Variants in TRAF7 observed in about 807,000 individuals in gnomAD.
The protein encoded by TRAF7 is TNF receptor associated factor 7.
In TRAF7, 45 loss-of-function variants were observed where a neutral mutation model predicts 89.3. The ratio of observed to expected loss-of-function variants is 0.50; its 90% CI spans 0.40 to 0.65. The LOEUF (loss-of-function observed/expected upper bound fraction) is 0.65, where lower values mean the gene tolerates loss of function less well. TRAF7 is among the 30% of genes least tolerant of loss of function. The probability of loss-of-function intolerance (pLI) is 0.00; values close to 1 mark genes in which losing one functional copy is unlikely to be tolerated. For synonymous variants in TRAF7, 406 were observed against 369.2 expected (o/e 1.10, Z -1.14); for missense variants, 677 against 918.1 (o/e 0.74, Z 3.39).
rs765302738 is a variant in TRAF7, at chr16:2,159,299, G to A, written c.-39+3441G>A. 3.3e-5 allele frequency among the ~76,000 whole-genome samples: 5 copies of A among 152,082 alleles called. No individual in the cohort carries two copies. The highest frequency in any genetic ancestry group is 4.8e-5 in the African/African-American group (2 of 41,414). ...GGGGCAGGGACAGGCAAGGGGGTTC[G>A]CCGTGCTAGGAGGGAAGCGGGGCCA... On this transcript the variant is annotated intron_variant, in intron 1 of 20. Coordinates refer to ENST00000326181, the MANE Select transcript of TRAF7 (RefSeq NM_032271.3). The surrounding 1 kb of genome is among the most constrained non-coding windows in gnomAD (Gnocchi z 6.5).
chr16:2,176,215 A>C, intron 19 of TRAF7, 35 bp downstream of exon 19: 1 of 1,601,356 alleles, frequency 6.2e-7, no homozygotes, highest in South Asian at 1.1e-5. Context: ...GGAGGCTCAG[A>C]GGGCTGGCAG....
At position 2,164,147 on chromosome 16, in the gene TRAF7, T is replaced by G. The variant is rs1432432256; in HGVS notation, c.81+146T>G. 2.5e-4 allele frequency: 142 copies of G among 557,844 alleles called. 1 individual carries two copies. In the African/African-American group the frequency reaches 2.7e-3, roughly 11 times the overall value. The allele number at this position is 557,844 out of a possible 1,614,324, so 34.6% of individuals were successfully genotyped here. A position where few individuals can be genotyped will look rare whatever the true frequency, so the allele number is the denominator to read the frequency against. On this transcript the variant is annotated intron_variant, in intron 2 of 20. Transcript: ENST00000326181. Reference sequence around the variant, plus strand: ...TCGGTGGGGGGGGGTGTGGTGTGTGTGTGTGTGTGTGTGCGCGCGCGCGCG... The same window carrying G: ...TCGGTGGGGGGGGGTGTGGTGTGTGGGTGTGTGTGTGTGCGCGCGCGCGCG...
chr16:2,173,042 G>A lies in TRAF7; in HGVS notation c.795-140G>A, dbSNP rs2093120094. ...CTGGGGGTAGCTGGATGGGGAGGAG[G>A]GGCAGGACGGCAGGTGTGGGTGGGG... On this transcript the variant is annotated intron_variant, in intron 9 of 20. Coordinates refer to ENST00000326181, the MANE Select transcript of TRAF7 (RefSeq NM_032271.3). The A allele has an allele frequency of 4.2e-6, 3 of 714,198 alleles. No individual in the cohort carries two copies. The African/African-American group carries it at 5.2e-5, about 12-fold the overall frequency. The allele number at this position is 714,198 out of a possible 1,614,324, so 44.2% of individuals were successfully genotyped here.
rs1242672502 is a variant in TRAF7 at position 2,172,384 on chromosome 16, C to T, written c.659+10C>T. 1 of 1,611,420 alleles carries T rather than the reference C, an allele frequency of 6.2e-7. No homozygotes were observed. The highest frequency in any genetic ancestry group is 8.5e-7 in the Non-Finnish European group (1 of 1,179,312). ...AGCTCAGCGCCCGGAAGTAAGTGCC[C>T]CTCCCTGGGCACCTCTGCCTCCCTG... is the stretch of plus-strand genomic sequence containing the variant. On this transcript the variant is annotated intron_variant, in intron 8 of 20. Coordinates refer to ENST00000326181, the MANE Select transcript of TRAF7 (RefSeq NM_032271.3).
rs1488005046 is a variant in TRAF7, at chr16:2,176,185, G to A, written c.1878+5G>A. 31 of 1,604,570 alleles carry A rather than the reference G, an allele frequency of 1.9e-5. No individual in the cohort carries two copies. The highest frequency in any genetic ancestry group is 5.0e-5 in the Admixed American group (3 of 59,882). On this transcript the variant is annotated splice_donor_5th_base_variant and intron_variant, in intron 19 of 20. Coordinates refer to ENST00000326181, the MANE Select transcript of TRAF7 (RefSeq NM_032271.3). The stretch of plus-strand genomic sequence containing the variant: ...TCCTACGACCGGTCCCTCAGGGTGC[G>A]TGCTGGCCCAGCGGTGGCAGGAGGC...
At chr16:2,164,177 C>CGCGCACGCGTGCGT (rs1251144938) in intron 2 of TRAF7, among the ~76,000 whole-genome samples, 176 bp downstream of exon 2, 1 of 117,724 alleles carries the variant, frequency 8.5e-6, no homozygotes, top group East Asian at 2.3e-4. Flanking sequence ...CGCGCGCGCG[C>CGCGCACGCGTGCGT]GCGCACGCGT....
In TRAF7 at chr16:2,172,492, G is replaced by A. The variant is rs760492852; in HGVS notation, c.687G>A (p.Arg229=). ...ACCACGAGGGCAGCTGTGACTACAG[G>A]CCTGTGCGGTGTCCCAACAACCCCA... is the stretch of plus-strand genomic sequence containing the variant. ...RKDHEGSCDY[R]PVRCPNNPSC... is the part of the protein sequence containing the mutation. The change falls in exon 9 of 21, where the codon AGG becomes AGA. Residue 229 remains arginine (R), a synonymous_variant. Coordinates refer to ENST00000326181, the MANE Select transcript of TRAF7 (RefSeq NM_032271.3). 4.7e-5 allele frequency: 75 copies of A among 1,608,312 alleles called. No homozygotes were observed. The highest frequency in any genetic ancestry group is 6.0e-5 in the Non-Finnish European group (71 of 1,178,438).
At position 2,171,580 on chromosome 16, in the gene TRAF7, C is replaced by T; in HGVS notation, c.450C>T (p.Phe150=). 6.2e-7 allele frequency: 1 copy of T among 1,613,360 alleles called. No individual in the cohort carries two copies. Among genetic ancestry groups the T allele is most frequent in the Non-Finnish European group, 8.5e-7 (1 of 1,179,922 alleles). The change falls in exon 7 of 21, where the codon TTC becomes TTT. Residue 150 remains phenylalanine, a synonymous_variant. Transcript: ENST00000326181. ...DPVITTCGHT[F]CRRCALKSEK... ...GCCCTTTGCCTCCACAGCACACGTT[C>T]TGTAGGAGATGCGCCTTGAAGTCAG...
At chr16:2,164,151 T>C (rs1444006105) in intron 2 of TRAF7, 150 bp downstream of exon 2, 18 of 559,444 alleles carry the variant, frequency 3.2e-5, no homozygotes, top group African/African-American at 9.1e-5. Flanking sequence ...TGTGTGTGTG[T>C]GTGTGTGTGC....
Position 2,162,435 on chromosome 16 carries a change from A to G in TRAF7, c.-38-1448A>G, listed in dbSNP as rs2093061745. 1.3e-5 allele frequency among the ~76,000 whole-genome samples: 2 copies of G among 152,050 alleles called. No homozygotes were observed. Among genetic ancestry groups the G allele is most frequent in the African/African-American group, 2.4e-5 (1 of 41,414 alleles). The stretch of plus-strand genomic sequence containing the variant: ...ATGCAGGGCGGGCATGGCCAAAGGG[A>G]CCCAGTCAGGAGGGACTGATGGAGG... On this transcript the variant is annotated intron_variant, in intron 1 of 20. Coordinates refer to ENST00000326181, the MANE Select transcript of TRAF7 (RefSeq NM_032271.3). This position sits in a 1 kb window ranked among gnomAD's most constrained non-coding sequence, Gnocchi z 5.0.
chr16:2,175,870 C>T lies in TRAF7; in HGVS notation c.1663C>T (p.Leu555=), dbSNP rs769152790. ...DIRTLDCIHV[L]QTSGGSVYSI... ...CCGAACCCTTGACTGCATCCACGTC[C>T]TGCAGACGTCTGGTGGCAGCGTCTA... Residue 555 remains leucine (L), a synonymous_variant, in exon 18 of 21, where the codon CTG becomes TTG. Transcript: ENST00000326181. 1.7e-5 allele frequency: 28 copies of T among 1,613,466 alleles called. No individual in the cohort carries two copies. The highest frequency in any genetic ancestry group is 2.2e-5 in the East Asian group (1 of 44,898).
In TRAF7 at chr16:2,162,577, G is replaced by T. The variant is rs912644479; in HGVS notation, c.-38-1306G>T. On this transcript the variant is annotated intron_variant, in intron 1 of 20. Coordinates refer to ENST00000326181, the MANE Select transcript of TRAF7 (RefSeq NM_032271.3). This position sits in a 1 kb window ranked among gnomAD's most constrained non-coding sequence, Gnocchi z 5.0. Reference sequence around the variant, plus strand: ...ACTGGGACTGTCCTGCTCCTCTCAGGCCCCTGGGGCCTTGGTTTGCAGCCC... The same window carrying T: ...ACTGGGACTGTCCTGCTCCTCTCAGTCCCCTGGGGCCTTGGTTTGCAGCCC... Among the ~76,000 whole-genome samples, 7 of 152,074 alleles carry T rather than the reference G, an allele frequency of 4.6e-5. No individual in the cohort carries two copies. The highest frequency in any genetic ancestry group is 1.7e-4 in the African/African-American group (7 of 41,442).
At chr16:2,166,055 G>A (rs1344559419) in intron 3 of TRAF7, 119 bp downstream of exon 3, 82 of 1,282,676 alleles carry the variant, frequency 6.4e-5, no homozygotes, top group African/African-American at 2.2e-4. Context: ...AGTGCTGGGC[G>A]CGGGCAGCCT....
In TRAF7 at chr16:2,163,841, G is replaced by A; in HGVS notation, c.-38-42G>A. 1 of 1,317,822 alleles carries A rather than the reference G, an allele frequency of 7.6e-7. No individual in the cohort carries two copies. The highest frequency in any genetic ancestry group is 1.1e-6 in the Non-Finnish European group (1 of 929,614). 81.6% of individuals were successfully genotyped at this position (1,317,822 alleles called of 1,614,324 possible). ...CAGCCCGTCTGACTCACAGGGGCCTGGGCTCCATCTCTCAAGCCCCTCATT... is the reference window on the plus strand; with the variant it reads ...CAGCCCGTCTGACTCACAGGGGCCTAGGCTCCATCTCTCAAGCCCCTCATT... On this transcript the variant is annotated intron_variant, in intron 1 of 20. Transcript: ENST00000326181. The surrounding 1 kb of genome is among the most constrained non-coding windows in gnomAD (Gnocchi z 4.3).
intron 1 of TRAF7, among the ~76,000 whole-genome samples, chr16:2,157,293 G>A (rs536573685): frequency 2.0e-5 from 3 of 152,128 alleles, no homozygotes; most frequent in Non-Finnish European, 4.4e-5. Context: ...GGGAGCAGTG[G>A]TATGGGCAGC....
chr16:2,170,021 G>A (rs1175221452), intron 4 of TRAF7, among the ~76,000 whole-genome samples: 1 of 152,196 alleles, frequency 6.6e-6, no homozygotes, highest in Non-Finnish European at 1.5e-5. Context: ...TCCCTTGTCG[G>A]TGGCTCAGCC....
chr16:2,165,985 C>T (rs780804134), intron 3 of TRAF7, 49 bp downstream of exon 3: 5 of 1,607,754 alleles, frequency 3.1e-6, no homozygotes, highest in South Asian at 1.1e-5. Context: ...ACCGGGGCAC[C>T]CCCATGCCCA....
intron 12 of TRAF7, 21 bp downstream of exon 12, chr16:2,173,857 G>GCGGGCCCCCCCC: frequency 1.2e-6 from 2 of 1,607,506 alleles, no homozygotes; most frequent in Non-Finnish European, 1.7e-6. Context: ...ACCCGCCGTG[G>GCGGGCCCCCCCC]CTCCCGCCCA....
Position 2,162,732 on chromosome 16 carries a change from G to A in TRAF7, c.-38-1151G>A, listed in dbSNP as rs942769320. ...ATGGTGTGTCCTCATGGGGTGCTGC[G>A]CATGGGCCTCGAGGTGGACAGTGCA... On this transcript the variant is annotated intron_variant, in intron 1 of 20. Coordinates refer to ENST00000326181, the MANE Select transcript of TRAF7 (RefSeq NM_032271.3). This position sits in a 1 kb window ranked among gnomAD's most constrained non-coding sequence, Gnocchi z 5.0. 1.3e-5 allele frequency among the ~76,000 whole-genome samples: 2 copies of A among 152,026 alleles called. No individual in the cohort carries two copies. Among genetic ancestry groups the A allele is most frequent in the African/African-American group, 4.8e-5 (2 of 41,422 alleles).
Sources: gnomAD v4.1 joint callset for allele counts (sites outside exome capture counted in the v4.1 genomes callset) on GRCh38, gnomAD v4.1.1 for gene constraint, Gnocchi (gnomAD v3.1) non-coding constraint, MANE v1.5 for transcripts, NCBI Gene and HGNC (gene_info 2026-07-23, HGNC 2026-07-21) for gene names.